Variants in LOC400499 observed in about 807,000 individuals in gnomAD.
the LOC400499 span, among the ~76,000 whole-genome samples, chr16:11,420,293 A>C: frequency 2.0e-5 from 3 of 152,142 alleles, 1 homozygote; most frequent in Admixed American, 2.0e-4. Flanking sequence ...TGTCCTTTGT[A>C]GGGACATGGA....
At chr16:11,491,134 A>C in the LOC400499 span, among the ~76,000 whole-genome samples, 2 of 152,220 alleles carry the variant, frequency 1.3e-5, no homozygotes, top group Non-Finnish European at 2.9e-5. Flanking sequence ...AGGTTTACTT[A>C]CTTGTCTAAA....
At chr16:11,439,884 G>A in the LOC400499 span, among the ~76,000 whole-genome samples, 2 of 151,834 alleles carry the variant, frequency 1.3e-5, no homozygotes, top group Non-Finnish European at 2.9e-5. Context: ...CCCTGACCTT[G>A]AACCAGGCAC....
chr16:11,424,303 C>T, the LOC400499 span: 2 of 399,376 alleles, frequency 5.0e-6, no homozygotes, highest in East Asian at 3.6e-5. Context: ...TTGGAAGCCA[C>T]GTGGGTGAGA....
chr16:11,417,193 G>T, the LOC400499 span, among the ~76,000 whole-genome samples: 3 of 151,922 alleles, frequency 2.0e-5, no homozygotes, highest in African/African-American at 7.3e-5. Flanking sequence ...TAAAAACAAG[G>T]TCATATTCAA....
chr16:11,448,486 C>T, the LOC400499 span, among the ~76,000 whole-genome samples: 1 of 152,050 alleles, frequency 6.6e-6, no homozygotes, highest in Admixed American at 6.6e-5. Flanking sequence ...TAAGACCAGC[C>T]TGGGAAACAG....
At chr16:11,373,416 C>T in the LOC400499 span, among the ~76,000 whole-genome samples, 1 of 152,078 alleles carries the variant, frequency 6.6e-6, no homozygotes, top group Non-Finnish European at 1.5e-5. Context: ...TCACGGCAAC[C>T]TCTGCCTCCT....
At chr16:11,508,215 G>A in the LOC400499 span, among the ~76,000 whole-genome samples, 2 of 152,160 alleles carry the variant, frequency 1.3e-5, no homozygotes, top group African/African-American at 4.8e-5. Context: ...GACAGATGGT[G>A]AGGAGAATCT....
the LOC400499 span, among the ~76,000 whole-genome samples, chr16:11,489,863 A>G: frequency 2.0e-5 from 3 of 152,254 alleles, no homozygotes; most frequent in African/African-American, 7.2e-5. Context: ...ATGGCAACTT[A>G]TCTTCTGGGA....
chr16:11,446,592 G>T, the LOC400499 span: 15 of 1,535,982 alleles, frequency 9.8e-6, no homozygotes, highest in Non-Finnish European at 1.3e-5. Context: ...CTGTGTTCCT[G>T]GGGATGACTT....
At chr16:11,510,795 G>C in the LOC400499 span, among the ~76,000 whole-genome samples, 10 of 151,476 alleles carry the variant, frequency 6.6e-5, no homozygotes, top group Non-Finnish European at 1.2e-4. Flanking sequence ...TCCCACGACA[G>C]TTGGGAACCA....
the LOC400499 span, chr16:11,469,456 G>T: frequency 2.0e-5 from 8 of 398,954 alleles, no homozygotes; most frequent in Non-Finnish European, 3.1e-5. Context: ...CCCTGCCCCG[G>T]GTGTGGCACC....
At chr16:11,481,928 C>G in the LOC400499 span, among the ~76,000 whole-genome samples, 22 of 152,240 alleles carry the variant, frequency 1.4e-4, no homozygotes, top group African/African-American at 4.8e-4. Context: ...AGCCACCATG[C>G]CCGGCCAATT....
At chr16:11,478,684 A>C in the LOC400499 span, 1 of 399,042 alleles carries the variant, frequency 2.5e-6, no homozygotes, top group Non-Finnish European at 4.4e-6. Flanking sequence ...CCTCCGGGTC[A>C]CCTGGGGGAG....
the LOC400499 span, among the ~76,000 whole-genome samples, chr16:11,475,444 C>A: frequency 6.6e-6 from 1 of 152,222 alleles, no homozygotes; most frequent in Non-Finnish European, 1.5e-5. Context: ...CCAAGCATGT[C>A]CTTAACCTTG....
the LOC400499 span, among the ~76,000 whole-genome samples, chr16:11,487,879 C>T: frequency 0.059 from 9,010 of 152,058 alleles, 516 homozygotes; most frequent in East Asian, 0.16. Context: ...TTTGGGAGGC[C>T]GAGGTAGGCA....
the LOC400499 span, chr16:11,424,477 G>C: frequency 2.3e-5 from 9 of 398,144 alleles, no homozygotes; most frequent in East Asian, 1.1e-4. Flanking sequence ...CATCCCCTGA[G>C]CCCCATAGCT....
chr16:11,376,943 T>TC, the LOC400499 span, among the ~76,000 whole-genome samples: 1 of 148,736 alleles, frequency 6.7e-6, no homozygotes, highest in Non-Finnish European at 1.5e-5. Flanking sequence ...TAAATGGACT[T>TC]TTTTTTTTTT....
the LOC400499 span, among the ~76,000 whole-genome samples, chr16:11,493,426 C>T: frequency 0.014 from 2,148 of 152,288 alleles, 40 homozygotes; most frequent in African/African-American, 0.049. Context: ...GCACAGATGG[C>T]ACTGGTAATC....
the LOC400499 span, chr16:11,491,847 T>C: frequency 5.0e-6 from 2 of 398,930 alleles, no homozygotes; most frequent in Admixed American, 8.8e-5. Flanking sequence ...CACCGATCTC[T>C]GGCTTGGGCA....
Sources: allele counts gnomAD v4.1 joint callset (sites outside exome capture counted in the v4.1 genomes callset), GRCh38; gene constraint gnomAD v4.1.1; transcripts MANE v1.5.